Variants in CERS3 observed in about 807,000 individuals in gnomAD.
The protein encoded by CERS3 is ceramide synthase 3.
In CERS3, 33 loss-of-function variants were observed where a neutral mutation model predicts 50.3. The observed-to-expected ratio is 0.66, with a 90% CI of 0.50 to 0.88. The LOEUF (loss-of-function observed/expected upper bound fraction) is 0.88, where lower values mean the gene tolerates loss of function less well. Among genes scored for constraint, CERS3 ranks in the 40% least tolerant of loss-of-function variants. The pLI is 0.00. For synonymous variants in CERS3, 176 were observed against 155.2 expected, an observed-to-expected ratio of 1.13 and a Z score of -0.99; for missense variants, 470 against 460.3, an observed-to-expected ratio of 1.02 and a Z score of -0.19.
At chr15:100,533,558 CTCTCT>C (rs1228876278), upstream of CERS3, among the ~76,000 whole-genome samples, 322 of 129,528 alleles carry the variant, frequency 2.5e-3, 3 homozygotes, top group African/African-American at 9.2e-3. Flanking sequence ...CCTTCCCTCT[CTCTCT>C]TTTTTTTTTT....
intron 3 of CERS3, among the ~76,000 whole-genome samples, chr15:100,492,496 A>G (rs2035683065): frequency 6.6e-6 from 1 of 152,144 alleles, no homozygotes; most frequent in Non-Finnish European, 1.5e-5. Context: ...ATTAAATTAC[A>G]TTTTGTCTGA....
At chr15:100,407,244 G>T (rs531082792) in intron 11 of CERS3, among the ~76,000 whole-genome samples, 1 of 152,314 alleles carries the variant, frequency 6.6e-6, no homozygotes, top group Admixed American at 6.5e-5. Flanking sequence ...AGCTGTGTTA[G>T]CTAAGAAAGA....
intron 2 of CERS3, among the ~76,000 whole-genome samples, chr15:100,518,399 G>A (rs2036552758): frequency 1.3e-5 from 2 of 152,114 alleles, no homozygotes; most frequent in Non-Finnish European, 2.9e-5. Flanking sequence ...TGGAACATTA[G>A]AGAATAAATT....
At chr15:100,540,850 A>G (rs1000360873) in intron 1 of CERS3, among the ~76,000 whole-genome samples, 3 of 152,196 alleles carry the variant, frequency 2.0e-5, no homozygotes, top group African/African-American at 7.2e-5. Context: ...TCTGAGGATG[A>G]TATCAAACTC....
chr15:100,402,656 C>T lies in CERS3; in HGVS notation c.*57G>A, dbSNP rs762608499. 7.7e-6 allele frequency: 12 copies of T among 1,566,266 alleles called. No individual in the cohort carries two copies. The highest frequency in any genetic ancestry group is 8.7e-6 in the Non-Finnish European group (10 of 1,155,666). The stretch of plus-strand genomic sequence containing the variant: ...TGGGGTCGGTGTGGGGCCTGGAAGC[C>T]AGGCTGCCAACAGTACTTGCAGCAT... On this transcript the variant is annotated 3_prime_UTR_variant, in exon 12 of 12. Transcript: ENST00000679737.
chr15:100,542,190 T>C (rs1029190348), intron 1 of CERS3, among the ~76,000 whole-genome samples: 1 of 152,214 alleles, frequency 6.6e-6, no homozygotes, highest in Non-Finnish European at 1.5e-5. Flanking sequence ...TTGTTAATAA[T>C]GAAACCCCTT....
chr15:100,532,449 C>A (rs1250632134), upstream of CERS3, among the ~76,000 whole-genome samples: 1 of 151,978 alleles, frequency 6.6e-6, no homozygotes, highest in Non-Finnish European at 1.5e-5. Context: ...GCTATTTGTC[C>A]ACAGACAGAA....
rs1213633846 is a variant in CERS3, at chr15:100,404,800, G to A, written c.1000-1935C>T. 3.3e-5 allele frequency among the ~76,000 whole-genome samples: 5 copies of A among 152,050 alleles called. No homozygotes were observed. The East Asian group carries it at 5.8e-4, about 18-fold the overall frequency. On this transcript the variant is annotated intron_variant, in intron 11 of 11. Coordinates refer to ENST00000679737, the MANE Select transcript of CERS3 (RefSeq NM_001378789.1). ...ATGCAGATCAGTGGAACAGAATGGA[G>A]GCTCTAGAAATAGATCCACACAAAT...
chr15:100,520,160 T>A (rs1049363075), intron 2 of CERS3, among the ~76,000 whole-genome samples: 18 of 152,132 alleles, frequency 1.2e-4, no homozygotes, highest in African/African-American at 4.1e-4. Flanking sequence ...ATGCTAGGCC[T>A]GGAGAAGGCC....
intron 2 of CERS3, among the ~76,000 whole-genome samples, chr15:100,509,691 C>T (rs990430176): frequency 2.0e-5 from 3 of 152,194 alleles, no homozygotes; most frequent in Non-Finnish European, 4.4e-5. Context: ...TTATAGGTGA[C>T]CGGCATTCTC....
At position 100,455,941 on chromosome 15, in the gene CERS3, G is replaced by A; in HGVS notation, c.951C>T (p.Tyr317=). 6.2e-7 allele frequency: 1 copy of A among 1,613,242 alleles called. No individual in the cohort carries two copies. Among genetic ancestry groups the A allele is most frequent in the Non-Finnish European group, 8.5e-7 (1 of 1,179,466 alleles). ...GCATCTTCAAGATGTAATAACCCCA[G>A]TAAAGGTGAAGGACCTGCAAGATCA... ...QLMILQVLHL[Y]WGYYILKMLN... The change falls in exon 11 of 12, where the codon TAC becomes TAT. Residue 317 remains tyrosine (Y), a synonymous_variant. Transcript: ENST00000679737.
At chr15:100,517,323 C>T (rs1413555556) in intron 2 of CERS3, among the ~76,000 whole-genome samples, 3 of 152,228 alleles carry the variant, frequency 2.0e-5, no homozygotes, top group African/African-American at 7.2e-5. Flanking sequence ...GGCACTGTGC[C>T]TCCAAGTGGT....
At chr15:100,466,053 C>T (rs1451274346) in intron 10 of CERS3, among the ~76,000 whole-genome samples, 3 of 152,184 alleles carry the variant, frequency 2.0e-5, no homozygotes, top group Non-Finnish European at 4.4e-5. Context: ...GCTGCCCTCT[C>T]CAATGGGCAA....
At position 100,540,372 on chromosome 15, in the gene CERS3, G is replaced by A. The variant is rs2037170684; in HGVS notation, c.-355+4279C>T. On this transcript the variant is annotated intron_variant, in intron 1 of 12. Transcript: ENST00000284382. ...AGCCTGGCCAACATGGCAAAACCCT[G>A]TCTCTACTGAAAACACAAAAAATTA... 5.3e-5 allele frequency among the ~76,000 whole-genome samples: 8 copies of A among 152,278 alleles called. No homozygotes were observed. The South Asian group carries it at 1.7e-3, about 32-fold the overall frequency.
rs536978672 is a variant in CERS3, at chr15:100,455,333, G to T, written c.999+560C>A. Among the ~76,000 whole-genome samples the T allele has an allele frequency of 5.9e-5, 9 of 152,060 alleles. No homozygotes were observed. The South Asian group carries it at 1.9e-3, about 32-fold the overall frequency. On this transcript the variant is annotated intron_variant, in intron 11 of 11. Transcript: ENST00000679737. Reference sequence around the variant, plus strand: ...TGTGTTGGTGGGGTTGGGAGAAGATGAAGAAAGGCTGCATAATAGGTAAAA... The same window carrying T: ...TGTGTTGGTGGGGTTGGGAGAAGATTAAGAAAGGCTGCATAATAGGTAAAA...
chr15:100,412,814 G>A (rs1371076056), intron 11 of CERS3, among the ~76,000 whole-genome samples: 2 of 151,980 alleles, frequency 1.3e-5, no homozygotes, highest in African/African-American at 2.4e-5. Flanking sequence ...ATTTCATTTT[G>A]TAAAAATCTG....
intron 11 of CERS3, among the ~76,000 whole-genome samples, chr15:100,409,537 T>G (rs1390424747): frequency 6.6e-6 from 1 of 152,132 alleles, no homozygotes; most frequent in Non-Finnish European, 1.5e-5. Flanking sequence ...TCATAGAAAT[T>G]AGAAACAAAA....
chr15:100,416,827 C>A (rs2031949289), intron 11 of CERS3, among the ~76,000 whole-genome samples: 1 of 152,112 alleles, frequency 6.6e-6, no homozygotes, highest in Admixed American at 6.6e-5. Flanking sequence ...CAGGATGAAT[C>A]TGAAAAGGGT....
chr15:100,530,410 A>T (rs55689362), upstream of CERS3, among the ~76,000 whole-genome samples: 14,681 of 152,200 alleles, frequency 0.096, 883 homozygotes, highest in African/African-American at 0.16. Flanking sequence ...GATTCCAGAC[A>T]CAACAGTGGG....
Sources: gnomAD v4.1 joint callset for allele counts (sites outside exome capture counted in the v4.1 genomes callset) on GRCh38, gnomAD v4.1.1 for gene constraint, MANE v1.5 for transcripts, NCBI Gene and HGNC (gene_info 2026-07-23, HGNC 2026-07-21) for gene names.